Variants in NFIC observed in about 807,000 individuals in gnomAD.
The protein encoded by NFIC is nuclear factor I C.
In NFIC, 12 loss-of-function variants were observed where a neutral mutation model predicts 54.4. The ratio of observed to expected loss-of-function variants is 0.22; its 90% confidence interval spans 0.14 to 0.36. The LOEUF is 0.36. Among genes scored for constraint, NFIC ranks in the 10% least tolerant of loss-of-function variants. NFIC has a pLI of 1.00. For missense variants in NFIC, 575 were observed against 718.2 expected (o/e 0.80, Z 2.28); for synonymous variants, 322 against 319.2 (o/e 1.01, Z -0.09).
chr19:3,408,727 G>A (rs1439464568), intron 2 of NFIC, among the ~76,000 whole-genome samples: 5 of 152,028 alleles, frequency 3.3e-5, no homozygotes, highest in Admixed American at 2.6e-4. Context: ...TCAGCCTCCC[G>A]AGTAGCTGGG....
intron 2 of NFIC, among the ~76,000 whole-genome samples, chr19:3,394,519 A>G (rs573738239): frequency 2.1e-5 from 1 of 47,352 alleles, no homozygotes; most frequent in Admixed American, 2.8e-4. Flanking sequence ...TCTTTTCCCC[A>G]CCCACCCCCC....
chr19:3,371,998 C>CCTCCCTCTCTCTCTCTCTCT (rs1317268715), intron 1 of NFIC, among the ~76,000 whole-genome samples: 12 of 35,414 alleles, frequency 3.4e-4, no homozygotes, highest in East Asian at 1.9e-3. Context: ...CCTCTCTCTC[C>CCTCCCTCTCTCTCTCTCTCT]CTCTCTCTCT....
intron 2 of NFIC, among the ~76,000 whole-genome samples, chr19:3,399,870 C>T (rs1433292568): frequency 1.3e-5 from 2 of 151,960 alleles, no homozygotes; most frequent in Admixed American, 1.3e-4. Context: ...GACTCCATCT[C>T]AAAAAATAAA....
intron 2 of NFIC, among the ~76,000 whole-genome samples, chr19:3,406,395 ATT>A (rs11362914): frequency 1.0e-3 from 146 of 141,972 alleles, no homozygotes; most frequent in Middle Eastern, 3.7e-3. Flanking sequence ...TGCCCTGCCT[ATT>A]TTTTTTTTTT....
intron 2 of NFIC, among the ~76,000 whole-genome samples, chr19:3,407,115 T>C (rs1019565991): frequency 6.6e-6 from 1 of 152,200 alleles, no homozygotes; most frequent in South Asian, 2.1e-4. Flanking sequence ...GTTTTCTGTT[T>C]TTTGTTTTTT....
intron 2 of NFIC, among the ~76,000 whole-genome samples, chr19:3,404,887 C>T (rs575952433): frequency 1.9e-4 from 29 of 152,102 alleles, no homozygotes; most frequent in Non-Finnish European, 4.3e-4. Flanking sequence ...CACCGGGGTC[C>T]CCAGGGGTCC....
chr19:3,413,777 C>T (rs117286168), intron 2 of NFIC, among the ~76,000 whole-genome samples: 5,535 of 152,158 alleles, frequency 0.036, 136 homozygotes, highest in Non-Finnish European at 0.058. Context: ...GCTGGGATTA[C>T]AGGCACGCAC....
At position 3,402,254 on chromosome 19, in the gene NFIC, G is replaced by A. The variant is rs1029151429; in HGVS notation, c.562+20011G>A. Among the ~76,000 whole-genome samples the A allele has an allele frequency of 6.6e-5, 10 of 152,152 alleles. No homozygotes were observed. The South Asian group carries it at 1.2e-3, about 19-fold the overall frequency. On this transcript the variant is annotated intron_variant, in intron 2 of 10. Transcript: ENST00000443272. ...AGAGATGGGGCTTTGTCATGTTGAC[G>A]ACCAGGCAAGTCTCGAATGCCTGAC...
Position 3,466,629 on chromosome 19 carries a change from T to C in NFIC, c.*3860T>C, listed in dbSNP as rs2082720593. 1 of 151,892 alleles carries C rather than the reference T, an allele frequency of 6.6e-6. No individual in the cohort carries two copies. Among genetic ancestry groups the C allele is most frequent in the South Asian group, 2.1e-4 (1 of 4,826 alleles). 9.4% of individuals were successfully genotyped at this position (151,892 alleles called of 1,614,324 possible). On this transcript the variant is annotated 3_prime_UTR_variant, in exon 11 of 11. Transcript: ENST00000443272. The surrounding 1 kb of genome is among the most constrained non-coding windows in gnomAD (Gnocchi z 4.8). ...TTGGCCAGAGAGCCCGGGCTGGCTG[T>C]GCACAGCATTCATGTAGCTGATTTC...
rs557977921 is a variant in NFIC at position 3,440,288 on chromosome 19, C to T, written c.958+5081C>T. 5.9e-5 allele frequency among the ~76,000 whole-genome samples: 9 copies of T among 152,148 alleles called. No individual in the cohort carries two copies. In the South Asian group the frequency reaches 1.9e-3, roughly 32 times the overall value. ...CACCCACTCCGTGTCAGGAGCACCC[C>T]CCAGTGGTGACAACCGTAAATGTCC... On this transcript the variant is annotated intron_variant, in intron 6 of 10. Transcript: ENST00000443272.
At chr19:3,426,245 T>A (rs2082026023) in intron 3 of NFIC, among the ~76,000 whole-genome samples, 1 of 151,940 alleles carries the variant, frequency 6.6e-6, no homozygotes, top group Admixed American at 6.6e-5. Flanking sequence ...TTTTTTTAAT[T>A]TTTTAAATAT....
chr19:3,451,288 G>T (rs1351139004), intron 7 of NFIC, among the ~76,000 whole-genome samples: 1 of 152,164 alleles, frequency 6.6e-6, no homozygotes, highest in Non-Finnish European at 1.5e-5. Context: ...GGGTGCTGGG[G>T]CTGGGGGAGG....
Position 3,459,151 on chromosome 19 carries a change from C to T in NFIC, c.1509+2516C>T, listed in dbSNP as rs985334786. On this transcript the variant is annotated intron_variant, in intron 10 of 10. Transcript: ENST00000443272. The surrounding 1 kb of genome is among the most constrained non-coding windows in gnomAD (Gnocchi z 4.2). ...CTGCCTCCGCCTCCTCTATTCCTGG[C>T]GGATTCGCTTCCCTCTGCCCCCTCC... Among the ~76,000 whole-genome samples the T allele has an allele frequency of 3.9e-5, 6 of 152,096 alleles. No individual in the cohort carries two copies. The highest frequency in any genetic ancestry group is 1.3e-4 in the Admixed American group (2 of 15,272).
chr19:3,413,702 C>T (rs963240028), intron 2 of NFIC, among the ~76,000 whole-genome samples: 6 of 152,036 alleles, frequency 3.9e-5, no homozygotes, highest in African/African-American at 1.4e-4. Flanking sequence ...TACAATGGCG[C>T]GATCTTGGCT....
intron 2 of NFIC, among the ~76,000 whole-genome samples, chr19:3,385,578 T>G (rs1252011359): frequency 2.0e-5 from 3 of 148,626 alleles, no homozygotes; most frequent in Non-Finnish European, 3.0e-5. Flanking sequence ...TTGTTGTTTT[T>G]TTTTTTTTTT....
At chr19:3,378,747 G>A (rs1436799936) in intron 1 of NFIC, among the ~76,000 whole-genome samples, 1 of 152,180 alleles carries the variant, frequency 6.6e-6, no homozygotes, top group Non-Finnish European at 1.5e-5. Flanking sequence ...GGGTGGGTCT[G>A]CAGGGAACGG....
intron 1 of NFIC, among the ~76,000 whole-genome samples, chr19:3,378,403 C>T (rs1313893241): frequency 1.3e-5 from 2 of 152,170 alleles, no homozygotes; most frequent in African/African-American, 4.8e-5. Flanking sequence ...GCTGAGATCC[C>T]AAATGCTATG....
chr19:3,366,535 G>T (rs1300661964), upstream of NFIC: 12 of 100,066 alleles, frequency 1.2e-4, no homozygotes, highest in African/African-American at 1.3e-3. Context: ...GCCGCGGGGC[G>T]GGGGGGGGGG....
At chr19:3,441,137 A>G (rs2082287820) in intron 6 of NFIC, among the ~76,000 whole-genome samples, 1 of 152,124 alleles carries the variant, frequency 6.6e-6, no homozygotes, top group Non-Finnish European at 1.5e-5. Flanking sequence ...GTCCCTTCCC[A>G]ACATTTTAGT....
Sources: gnomAD v4.1 joint callset for allele counts (sites outside exome capture counted in the v4.1 genomes callset) on GRCh38, gnomAD v4.1.1 for gene constraint, Gnocchi (gnomAD v3.1) non-coding constraint, MANE v1.5 for transcripts, NCBI Gene and HGNC (gene_info 2026-07-23, HGNC 2026-07-21) for gene names.